The following SP4 variants were observed in gnomAD, a reference collection of about 807,000 sequenced individuals.
SP4 encodes transcription factor Sp4.
SP4 carries 19 observed loss-of-function variants against 72.8 expected under a neutral mutation model. The ratio of observed to expected loss-of-function variants is 0.26; its 90% CI spans 0.18 to 0.38. The LOEUF (loss-of-function observed/expected upper bound fraction) is 0.38, where lower values mean the gene tolerates loss of function less well. Ranked by LOEUF, SP4 falls within the 10% of genes least tolerant of loss-of-function variation. The pLI is 1.00. For missense variants in SP4, 1,008 were observed against 926.3 expected (o/e 1.09, Z -1.14); for synonymous variants, 395 against 333.1 (o/e 1.19, Z -2.02).
rs1310580948 is a variant in SP4, at chr7:21,460,085, TTCTTTGAGAAAA to T, written c.1679-16993_1679-16982del. The stretch of plus-strand genomic sequence containing the variant: ...ATGAAACCTGGTAGGCTTGAACTAA[TTCTTTGAGAAAA>T]GGAGAGCCCTAACAGGAATAAAGAA... On this transcript the variant is annotated intron_variant, in intron 3 of 5. Coordinates refer to ENST00000222584, the MANE Select transcript of SP4 (RefSeq NM_003112.5). 1.7e-4 allele frequency among the ~76,000 whole-genome samples: 25 copies of T among 149,462 alleles called. 1 individual carries two copies. The highest frequency in any genetic ancestry group is 6.4e-4 in the African/African-American group (25 of 38,828).
chr7:21,477,541 T>G, intron 4 of SP4, among the ~76,000 whole-genome samples: 1 of 117,092 alleles, frequency 8.5e-6, no homozygotes, highest in East Asian at 2.6e-4. Flanking sequence ...TCCCCACCCC[T>G]CCCCCACCCC....
At chr7:21,428,839 G>A in intron 2 of SP4, 47 bp downstream of exon 2, 2 of 1,416,410 alleles carry the variant, frequency 1.4e-6, no homozygotes, top group Admixed American at 4.5e-5. Context: ...CATTAGGAGA[G>A]AGAGGGAGTT....
intron 3 of SP4, among the ~76,000 whole-genome samples, chr7:21,441,036 T>C (rs1319931975): frequency 6.6e-6 from 1 of 152,214 alleles, no homozygotes; most frequent in Admixed American, 6.5e-5. Flanking sequence ...GAAACCATTA[T>C]ATGGCAGCTG....
In SP4 at chr7:21,430,599, G is replaced by T. The variant is rs770953303; in HGVS notation, c.1434G>T (p.Gln478His). Residue 478 changes from glutamine (Q) to histidine (H), a missense_variant, in exon 3 of 6, where the codon CAG becomes CAT. By Grantham distance (24) the Gln-to-His change is conservative. Transcript: ENST00000222584. ...AAACTGTACAGGTTCAGAATATTCAGAGTCTTTCAAATTTGCAAGTTCAGA... is the reference window on the plus strand; with the variant it reads ...AAACTGTACAGGTTCAGAATATTCATAGTCTTTCAAATTTGCAAGTTCAGA... ...SWQTVQVQNI[Q>H]SLSNLQVQNA... 7 of 1,614,074 alleles carry T rather than the reference G, an allele frequency of 4.3e-6. No homozygotes were observed. The African/African-American group carries it at 8.0e-5, about 18-fold the overall frequency.
At chr7:21,497,137 A>G (rs1455235896) in intron 5 of SP4, among the ~76,000 whole-genome samples, 2 of 152,250 alleles carry the variant, frequency 1.3e-5, no homozygotes, top group African/African-American at 4.8e-5. Flanking sequence ...AGACAAACAC[A>G]TGCCCTGCCT....
chr7:21,468,048 T>C (rs974100156), intron 3 of SP4, among the ~76,000 whole-genome samples: 6 of 152,128 alleles, frequency 3.9e-5, no homozygotes, highest in African/African-American at 7.2e-5. Flanking sequence ...CAGAGTAATG[T>C]TACTTACTAT....
intron 3 of SP4, among the ~76,000 whole-genome samples, chr7:21,454,952 G>A (rs1783716734): frequency 6.6e-6 from 1 of 152,216 alleles, no homozygotes; most frequent in South Asian, 2.1e-4. Flanking sequence ...CAGGACATTA[G>A]CACAGAGTAG....
At chr7:21,500,618 T>G (rs530591959) in intron 5 of SP4, among the ~76,000 whole-genome samples, 1 of 152,298 alleles carries the variant, frequency 6.6e-6, no homozygotes, top group South Asian at 2.1e-4. Flanking sequence ...CCTTGCCAGC[T>G]GGCAGTTGGG....
chr7:21,446,272 G>C (rs1364367254), intron 3 of SP4, among the ~76,000 whole-genome samples: 1 of 152,134 alleles, frequency 6.6e-6, no homozygotes, highest in Non-Finnish European at 1.5e-5. Flanking sequence ...AAGCCACAAA[G>C]AAAACGTGAT....
At chr7:21,494,053 G>A (rs1156405738) in intron 5 of SP4, among the ~76,000 whole-genome samples, 8 of 152,224 alleles carry the variant, frequency 5.3e-5, no homozygotes, top group African/African-American at 1.7e-4. Flanking sequence ...TCACATGACA[G>A]CAAACACACA....
At chr7:21,479,765 G>A (rs1784623486) in intron 4 of SP4, among the ~76,000 whole-genome samples, 1 of 152,088 alleles carries the variant, frequency 6.6e-6, no homozygotes, top group Admixed American at 6.6e-5. Context: ...TATGCACATG[G>A]GAAGTATTTC....
At chr7:21,435,096 A>C (rs985307498) in intron 3 of SP4, among the ~76,000 whole-genome samples, 1 of 152,218 alleles carries the variant, frequency 6.6e-6, no homozygotes, top group Admixed American at 6.5e-5. Context: ...ATTAACTTGG[A>C]GTGGTCCACA....
Position 21,480,739 on chromosome 7 carries a change from A to C in SP4, c.1908-1185A>C, listed in dbSNP as rs1449629780. On this transcript the variant is annotated intron_variant, in intron 4 of 5. Transcript: ENST00000222584. ...GCCTCTTTGCTCACTTCTTTCTGGC[A>C]AACTAGCCAACCTGTAGTTAAGCCT... is the stretch of plus-strand genomic sequence containing the variant. 2.0e-5 allele frequency among the ~76,000 whole-genome samples: 3 copies of C among 152,166 alleles called. No individual in the cohort carries two copies. In the East Asian group the frequency reaches 5.8e-4, roughly 29 times the overall value.
At chr7:21,489,751 G>A (rs1402624119) in intron 5 of SP4, among the ~76,000 whole-genome samples, 9 of 151,814 alleles carry the variant, frequency 5.9e-5, no homozygotes, top group Admixed American at 5.9e-4. Context: ...AGTAGAGATG[G>A]GGTTTCACTG....
At chr7:21,488,548 C>T (rs1425450408) in intron 5 of SP4, among the ~76,000 whole-genome samples, 1 of 143,600 alleles carries the variant, frequency 7.0e-6, no homozygotes, top group African/African-American at 2.6e-5. Flanking sequence ...ATGGGTGTCT[C>T]AGTGGGGAGA....
chr7:21,435,793 T>G (rs1352820176), intron 3 of SP4, among the ~76,000 whole-genome samples: 1 of 152,202 alleles, frequency 6.6e-6, no homozygotes, highest in Non-Finnish European at 1.5e-5. Context: ...AATGATTTTT[T>G]CATGGAAGAT....
intron 5 of SP4, among the ~76,000 whole-genome samples, chr7:21,503,648 G>T (rs1464741365): frequency 6.6e-6 from 1 of 152,214 alleles, no homozygotes; most frequent in African/African-American, 2.4e-5. Context: ...AGCAGTGGCT[G>T]TTGGAAGGGG....
At chr7:21,428,354 C>T in intron 1 of SP4, 96 bp downstream of exon 1, 2 of 725,508 alleles carry the variant, frequency 2.8e-6, no homozygotes, top group Non-Finnish European at 5.1e-6. Context: ...CCCGGGGCCG[C>T]TGAGATGCTT....
chr7:21,465,666 A>T (rs956012940), intron 3 of SP4, among the ~76,000 whole-genome samples: 3 of 152,184 alleles, frequency 2.0e-5, no homozygotes, highest in Non-Finnish European at 4.4e-5. Flanking sequence ...TCCCTTCTTT[A>T]AGAAGTTGAC....
Sources: gnomAD v4.1 joint callset for allele counts (sites outside exome capture counted in the v4.1 genomes callset) on GRCh38, gnomAD v4.1.1 for gene constraint, MANE v1.5 for transcripts, NCBI Gene and HGNC (gene_info 2026-07-23, HGNC 2026-07-21) for gene names.